The following SIL1 variants were observed in gnomAD, a reference collection of about 807,000 sequenced individuals.
SIL1 encodes the protein nucleotide exchange factor SIL1.
In SIL1, 40 loss-of-function variants were observed where a neutral mutation model predicts 49.1. The ratio of observed to expected loss-of-function variants is 0.81; its 90% CI spans 0.63 to 1.06. The LOEUF is 1.06. SIL1 is among the 50% of genes least tolerant of loss of function. The pLI is 0.00. For synonymous variants in SIL1, 253 were observed against 250.8 expected (o/e 1.01, Z -0.08); for missense variants, 500 against 572.6 (o/e 0.87, Z 1.29).
chr5:139,123,022 T>C (rs1192419051), intron 2 of SIL1, among the ~76,000 whole-genome samples: 1 of 152,204 alleles, frequency 6.6e-6, no homozygotes, highest in African/African-American at 2.4e-5. Context: ...CATAGTTAGA[T>C]GAGGTACTAC....
chr5:139,182,341 T>G (rs1361995177), intron 1 of SIL1, among the ~76,000 whole-genome samples: 1 of 152,168 alleles, frequency 6.6e-6, no homozygotes, highest in Non-Finnish European at 1.5e-5. Context: ...AGGAGGGGGT[T>G]TGAAGAGGTG....
At chr5:139,130,764 T>C (rs1750847878) in intron 1 of SIL1, among the ~76,000 whole-genome samples, 4 of 152,216 alleles carry the variant, frequency 2.6e-5, no homozygotes, top group Admixed American at 2.6e-4. Flanking sequence ...AAATGTGGTA[T>C]ATACATACAA....
intron 7 of SIL1, among the ~76,000 whole-genome samples, chr5:138,995,595 A>G (rs1422637328): frequency 6.6e-6 from 1 of 152,236 alleles, no homozygotes; most frequent in Non-Finnish European, 1.5e-5. Context: ...ATTTTGAAAT[A>G]TATTATACAA....
At chr5:138,978,404 T>A (rs1309741818) in intron 7 of SIL1, among the ~76,000 whole-genome samples, 1 of 152,236 alleles carries the variant, frequency 6.6e-6, no homozygotes, top group African/African-American at 2.4e-5. Flanking sequence ...TATTCCATTG[T>A]ATGGATATAC....
At chr5:139,086,493 T>C (rs1770224173) in intron 3 of SIL1, among the ~76,000 whole-genome samples, 2 of 151,608 alleles carry the variant, frequency 1.3e-5, no homozygotes, top group African/African-American at 4.8e-5. Context: ...GCCTCCCAAG[T>C]AGCTGAAATT....
At chr5:139,166,336 A>T (rs542364814) in intron 1 of SIL1, among the ~76,000 whole-genome samples, 1 of 152,014 alleles carries the variant, frequency 6.6e-6, no homozygotes, top group Non-Finnish European at 1.5e-5. Flanking sequence ...AATACTTCTT[A>T]TTGCTATTTT....
chr5:139,055,896 C>T lies in SIL1; in HGVS notation c.245-4850G>A, dbSNP rs561085565. On this transcript the variant is annotated intron_variant, in intron 3 of 9. Coordinates refer to ENST00000394817, the MANE Select transcript of SIL1 (RefSeq NM_022464.5). Reference sequence around the variant, plus strand: ...CTGTGTTGGCCGGGCCAGTCTCCAGCTCCTAACCGCGAGTGATCCGCCAGC... The same window carrying T: ...CTGTGTTGGCCGGGCCAGTCTCCAGTTCCTAACCGCGAGTGATCCGCCAGC... Among the ~76,000 whole-genome samples the T allele has an allele frequency of 6.6e-5, 10 of 152,154 alleles. No homozygotes were observed. The East Asian group carries it at 1.9e-3, about 30-fold the overall frequency.
chr5:139,062,746 G>C (rs1436948456), intron 3 of SIL1, among the ~76,000 whole-genome samples: 2 of 152,198 alleles, frequency 1.3e-5, no homozygotes, highest in Non-Finnish European at 2.9e-5. Flanking sequence ...TCAGCACAAG[G>C]CTCAAAGTAA....
At position 138,951,860 on chromosome 5, in the gene SIL1, G is replaced by A; in HGVS notation, c.792C>T (p.Ala264=). 5 of 1,613,912 alleles carry A rather than the reference G, an allele frequency of 3.1e-6. No individual in the cohort carries two copies. Among genetic ancestry groups the A allele is most frequent in the Non-Finnish European group, 4.2e-6 (5 of 1,180,022 alleles). Residue 264 remains alanine (A), a synonymous_variant, in exon 8 of 10, where the codon GCC becomes GCT. Transcript: ENST00000394817. ...FSSNPKVQVE[A]IEGGALQKLL... ...GCTTCTGCAGGGCTCCCCCTTCGATGGCCTCCACCTGGACCTTGGGGTTGC... is the reference window on the plus strand; with the variant it reads ...GCTTCTGCAGGGCTCCCCCTTCGATAGCCTCCACCTGGACCTTGGGGTTGC...
chr5:139,090,699 G>A (rs1246354410), intron 3 of SIL1, among the ~76,000 whole-genome samples: 2 of 152,082 alleles, frequency 1.3e-5, no homozygotes. Context: ...CAAACTCTTG[G>A]GCCCAAGCGA....
Position 139,060,291 on chromosome 5 carries a change from GT to G in SIL1, c.245-9246del, listed in dbSNP as rs761316702. ...CATACTTTTTTTTTGTATAGTTACT[GT>G]TTTTTTAAGCCACCAGGATTTGAGG... On this transcript the variant is annotated intron_variant, in intron 3 of 9. Coordinates refer to ENST00000394817, the MANE Select transcript of SIL1 (RefSeq NM_022464.5). 3.2e-3 allele frequency among the ~76,000 whole-genome samples: 403 copies of G among 127,786 alleles called. 1 individual carries two copies. The highest frequency in any genetic ancestry group is 5.0e-3 in the Non-Finnish European group (306 of 60,638). 83.8% of individuals were successfully genotyped at this position (127,786 alleles called of 152,430 possible).
chr5:139,195,196 T>C (rs1006187957), intron 1 of SIL1, among the ~76,000 whole-genome samples: 2 of 152,064 alleles, frequency 1.3e-5, no homozygotes, highest in African/African-American at 4.8e-5. Flanking sequence ...CCTCCCAAAG[T>C]GCTGGGATTA....
intron 3 of SIL1, among the ~76,000 whole-genome samples, chr5:139,067,769 G>A (rs1769739430): frequency 6.6e-6 from 1 of 152,212 alleles, no homozygotes; most frequent in South Asian, 2.1e-4. Flanking sequence ...ATTAGTGCAA[G>A]GCTTTTGGGC....
intron 1 of SIL1, among the ~76,000 whole-genome samples, chr5:139,192,074 C>CAA (rs10700186): frequency 0.023 from 1,546 of 66,278 alleles, 43 homozygotes; most frequent in South Asian, 0.084. Context: ...GATGCTGTCT[C>CAA]AAAAAAAAAA....
intron 3 of SIL1, among the ~76,000 whole-genome samples, chr5:139,068,268 C>G (rs1769749912): frequency 6.6e-6 from 1 of 152,120 alleles, no homozygotes. Context: ...GACCTAAGAA[C>G]AAGAAAACAC....
chr5:138,984,698 G>C (rs1393802445), intron 7 of SIL1, among the ~76,000 whole-genome samples: 4 of 152,064 alleles, frequency 2.6e-5, no homozygotes, highest in Non-Finnish European at 5.9e-5. Context: ...TAGAGAATCA[G>C]GCATAGCCTC....
At chr5:139,012,656 G>T (rs1768308377) in intron 7 of SIL1, 1 of 151,950 alleles carries the variant, frequency 6.6e-6, no homozygotes, top group Admixed American at 6.6e-5. Context: ...GCAGATTGCT[G>T]ATTTGGTCAA....
chr5:139,069,908 T>C (rs1280783045), intron 3 of SIL1, among the ~76,000 whole-genome samples: 1 of 152,122 alleles, frequency 6.6e-6, no homozygotes, highest in Non-Finnish European at 1.5e-5. Context: ...TGCTTTGGGA[T>C]GTAAAGAACA....
intron 1 of SIL1, among the ~76,000 whole-genome samples, chr5:139,171,179 C>T (rs1246789682): frequency 6.6e-6 from 1 of 152,220 alleles, no homozygotes; most frequent in Non-Finnish European, 1.5e-5. Flanking sequence ...TCTGCCCGGC[C>T]ACCACCCCAT....
Sources: gnomAD v4.1 joint callset for allele counts (sites outside exome capture counted in the v4.1 genomes callset) on GRCh38, gnomAD v4.1.1 for gene constraint, MANE v1.5 for transcripts, NCBI Gene and HGNC (gene_info 2026-07-23, HGNC 2026-07-21) for gene names.